Variants in MTCL1 observed in about 807,000 individuals in gnomAD.
The protein encoded by MTCL1 is microtubule crosslinking factor 1.
A neutral mutation model predicts 141.4 loss-of-function variants in MTCL1; 79 were observed. The ratio of observed to expected loss-of-function variants is 0.56; its 90% CI spans 0.47 to 0.67. The LOEUF is 0.67. Among genes scored for constraint, MTCL1 ranks in the 30% least tolerant of loss-of-function variants. The probability of loss-of-function intolerance (pLI) is 0.00; values close to 1 mark genes in which losing one functional copy is unlikely to be tolerated. For missense variants in MTCL1, 2,177 were observed against 2,113.9 expected, an observed-to-expected ratio of 1.03 and a Z score of -0.59; for synonymous variants, 914 against 875.8, an observed-to-expected ratio of 1.04 and a Z score of -0.77.
At chr18:8,706,300 G>T (rs1461862933) in exon 1 of MTCL1, 2 of 1,229,998 alleles carry the variant, frequency 1.6e-6, no homozygotes, top group African/African-American at 1.6e-5. Context: ...CGACCTCTCT[G>T]ACTGCCCCTC....
chr18:8,830,413 T>A lies in MTCL1; in HGVS notation c.*19-1194T>A. The A allele has an allele frequency of 1.0e-6, 1 of 985,614 alleles. No homozygotes were observed. The highest frequency in any genetic ancestry group is 1.2e-6 in the Non-Finnish European group (1 of 830,056). The allele number at this position is 985,614 out of a possible 1,614,324, so 61.1% of individuals were successfully genotyped here. ...GAGGCAGGGAAACCGCTCGCCCCATTGCTCTTCTGGAAGCCTGTGGCTCCC... is the reference window on the plus strand; with the variant it reads ...GAGGCAGGGAAACCGCTCGCCCCATAGCTCTTCTGGAAGCCTGTGGCTCCC... On this transcript the variant is annotated intron_variant, in intron 16 of 16. Transcript: ENST00000359865. This position sits in a 1 kb window ranked among gnomAD's most constrained non-coding sequence, Gnocchi z 6.4.
chr18:8,772,178 T>C (rs890811284), intron 4 of MTCL1, among the ~76,000 whole-genome samples: 8 of 152,248 alleles, frequency 5.3e-5, no homozygotes. Context: ...AGTTGTGTAA[T>C]GCAGTGGGAT....
upstream of MTCL1, among the ~76,000 whole-genome samples, chr18:8,714,584 C>T (rs570232597): frequency 2.0e-5 from 3 of 152,214 alleles, no homozygotes; most frequent in East Asian, 1.9e-4. Context: ...CACGTAAGAA[C>T]GTGTGCAGGG....
upstream of MTCL1, among the ~76,000 whole-genome samples, chr18:8,714,913 C>T (rs887986756): frequency 1.3e-5 from 2 of 152,114 alleles, no homozygotes; most frequent in African/African-American, 2.4e-5. Flanking sequence ...TCTTCTGCCT[C>T]AGCCTCCCGA....
chr18:8,723,363 T>A (rs1314539237), intron 4 of MTCL1, among the ~76,000 whole-genome samples: 2 of 152,190 alleles, frequency 1.3e-5, no homozygotes, highest in African/African-American at 4.8e-5. Flanking sequence ...GGGGTGAGGA[T>A]AATATTTTTT....
chr18:8,821,197 A>G (rs530927109), intron 13 of MTCL1, among the ~76,000 whole-genome samples: 3 of 152,298 alleles, frequency 2.0e-5, no homozygotes, highest in Admixed American at 2.0e-4. Flanking sequence ...CACCTCCTCC[A>G]TGACAAAGTT....
At chr18:8,807,088 CCTGA>C in intron 11 of MTCL1, 28 bp downstream of exon 10, 1 of 1,598,828 alleles carries the variant, frequency 6.3e-7, no homozygotes, top group Non-Finnish European at 8.5e-7. Context: ...CTCCCTCGAT[CCTGA>C]CTGTGTGTCT....
chr18:8,708,549 T>G (rs1306403662), intron 1 of MTCL1, among the ~76,000 whole-genome samples: 3 of 152,108 alleles, frequency 2.0e-5, no homozygotes, highest in Non-Finnish European at 2.9e-5. Flanking sequence ...GAGTAAGAGG[T>G]GGCACCTGCG....
At chr18:8,752,256 G>GTAAA (rs2096375439) in intron 4 of MTCL1, among the ~76,000 whole-genome samples, 1 of 152,202 alleles carries the variant, frequency 6.6e-6, no homozygotes. Flanking sequence ...AGTAAGATGT[G>GTAAA]TAAATATTGT....
intron 4 of MTCL1, among the ~76,000 whole-genome samples, chr18:8,736,095 G>C (rs1202550347): frequency 6.6e-6 from 1 of 152,104 alleles, no homozygotes; most frequent in East Asian, 1.9e-4. Context: ...AGCAGCCGGG[G>C]TATAGCTGCT....
At position 8,786,110 on chromosome 18, in the gene MTCL1, T is replaced by TAC; in HGVS notation, c.1887+19_1887+20insAC. 5 of 1,310,344 alleles carry TAC rather than the reference T, an allele frequency of 3.8e-6. No homozygotes were observed. Among genetic ancestry groups the TAC allele is most frequent in the Admixed American group, 5.1e-5 (2 of 39,438 alleles). The allele number at this position is 1,310,344 out of a possible 1,614,324, so 81.2% of individuals were successfully genotyped here. A position where few individuals can be genotyped will look rare whatever the true frequency, so the allele number is the denominator to read the frequency against. ...CCTGGAGGTCAGCGTGGGCAAGCAA[T>TAC]CCCCCCCCCCCGCCCTCCCCCTCCT... On this transcript the variant is annotated intron_variant, in intron 7 of 16. Coordinates refer to ENST00000359865, the Ensembl canonical transcript of MTCL1.
Position 8,830,693 on chromosome 18 carries a change from T to C in MTCL1, c.*19-914T>C, listed in dbSNP as rs2077168215. The C allele has an allele frequency of 3.0e-6, 3 of 985,392 alleles. No homozygotes were observed. The highest frequency in any genetic ancestry group is 3.6e-6 in the Non-Finnish European group (3 of 829,954). The allele number at this position is 985,392 out of a possible 1,614,324, so 61.0% of individuals were successfully genotyped here. ...CAGTTCACCTCAAGCTTCCAGTGTC[T>C]GAGTGTCATTCCAGCCAGCGGGCTC... On this transcript the variant is annotated intron_variant, in intron 16 of 16. Transcript: ENST00000359865. This position sits in a 1 kb window ranked among gnomAD's most constrained non-coding sequence, Gnocchi z 6.4.
Position 8,828,573 on chromosome 18 carries a change from A to T in MTCL1, c.4723-335A>T, listed in dbSNP as rs1165221849. On this transcript the variant is annotated intron_variant, in intron 15 of 16. Transcript: ENST00000359865. The surrounding 1 kb of genome is among the most constrained non-coding windows in gnomAD (Gnocchi z 5.2). Reference sequence around the variant, plus strand: ...CAATTTCCATATCTCTGTTTGCCAAAGTGCTGTTTGAAATGTTAAATGCTA... The same window carrying T: ...CAATTTCCATATCTCTGTTTGCCAATGTGCTGTTTGAAATGTTAAATGCTA... 6.6e-6 allele frequency among the ~76,000 whole-genome samples: 1 copy of T among 152,160 alleles called. No individual in the cohort carries two copies. The highest frequency in any genetic ancestry group is 1.9e-4 in the East Asian group (1 of 5,186).
At chr18:8,798,935 AG>A (rs1328639739) in intron 10 of MTCL1, among the ~76,000 whole-genome samples, 4 of 152,238 alleles carry the variant, frequency 2.6e-5, no homozygotes, top group African/African-American at 9.6e-5. Context: ...GCTCCAGAGC[AG>A]GACCCTGTGT....
exon 3 of MTCL1, chr18:8,718,543 A>T: frequency 6.2e-7 from 1 of 1,614,210 alleles, no homozygotes; most frequent in South Asian, 1.1e-5. Flanking sequence ...AAAACTGCCG[A>T]ATCCTGCAGT....
chr18:8,829,968 A>G, intron 16 of MTCL1: 2 of 985,506 alleles, frequency 2.0e-6, no homozygotes, highest in Non-Finnish European at 2.4e-6. Flanking sequence ...CCTGCTCTTC[A>G]GCACCAGCCA....
chr18:8,725,853 G>GTC (rs2096206613), intron 4 of MTCL1, among the ~76,000 whole-genome samples: 2 of 133,854 alleles, frequency 1.5e-5, no homozygotes, highest in Admixed American at 1.6e-4. Context: ...GCAGTGGCAC[G>GTC]ATCTCGGCTC....
At chr18:8,791,289 G>A (rs1340754909) in intron 7 of MTCL1, among the ~76,000 whole-genome samples, 3 of 152,074 alleles carry the variant, frequency 2.0e-5, no homozygotes, top group Admixed American at 2.0e-4. Flanking sequence ...GGAGTGGGAG[G>A]ACTGAAGCTG....
Position 8,737,052 on chromosome 18 carries a change from CTGACTCCAGA to C in MTCL1, c.357+16557_357+16566del, listed in dbSNP as rs569489388. 2.0e-5 allele frequency among the ~76,000 whole-genome samples: 3 copies of C among 152,326 alleles called. No individual in the cohort carries two copies. In the South Asian group the frequency reaches 6.2e-4, roughly 32 times the overall value. On this transcript the variant is annotated intron_variant, in intron 4 of 16. Coordinates refer to ENST00000359865, the Ensembl canonical transcript of MTCL1. Reference sequence around the variant, plus strand: ...TTTAAAGAGCTATTTGCTGCTATGTCTGACTCCAGAAGACTCCAGAAGACACCTTTTTGCA... The same window carrying C: ...TTTAAAGAGCTATTTGCTGCTATGTCAGACTCCAGAAGACACCTTTTTGCA...
Sources: allele counts gnomAD v4.1 joint callset (sites outside exome capture counted in the v4.1 genomes callset), GRCh38; gene constraint gnomAD v4.1.1; non-coding constraint Gnocchi (gnomAD v3.1); transcripts MANE v1.5; gene names NCBI Gene and HGNC (gene_info 2026-07-23, HGNC 2026-07-21).